The following CNTNAP4 variants were observed in gnomAD, a reference collection of about 807,000 sequenced individuals.
CNTNAP4 encodes the protein contactin-associated protein-like 4.
CNTNAP4 carries 98 observed loss-of-function variants against 148.4 expected under a neutral mutation model. The ratio of observed to expected loss-of-function variants is 0.66; its 90% CI spans 0.56 to 0.78. The LOEUF (loss-of-function observed/expected upper bound fraction) is 0.78, where lower values mean the gene tolerates loss of function less well. CNTNAP4 is among the 30% of genes least tolerant of loss of function. The pLI, the probability that CNTNAP4 is intolerant of heterozygous loss-of-function variation, is 0.00. For missense variants in CNTNAP4, 1,935 were observed against 1,565.6 expected, an observed-to-expected ratio of 1.24 and a Z score of -3.98; for synonymous variants, 730 against 565.1, an observed-to-expected ratio of 1.29 and a Z score of -4.14.
chr16:76,425,444 G>A (rs1167237038), intron 3 of CNTNAP4, among the ~76,000 whole-genome samples: 4 of 152,112 alleles, frequency 2.6e-5, no homozygotes, highest in Admixed American at 1.3e-4. Flanking sequence ...AATGTTCTAG[G>A]TGTTACGGAT....
chr16:76,371,844 G>T (rs1228756003), intron 3 of CNTNAP4, among the ~76,000 whole-genome samples: 1 of 152,094 alleles, frequency 6.6e-6, no homozygotes, highest in Non-Finnish European at 1.5e-5. Flanking sequence ...GTTATCTAAG[G>T]CATGTCTGCC....
intron 3 of CNTNAP4, among the ~76,000 whole-genome samples, chr16:76,369,819 G>C (rs986218712): frequency 1.1e-4 from 17 of 152,174 alleles, no homozygotes; most frequent in Non-Finnish European, 2.2e-4. Context: ...TCCAGTCTGG[G>C]CAACAGAGTG....
chr16:76,346,589 A>C (rs1021008321), intron 2 of CNTNAP4, among the ~76,000 whole-genome samples: 2 of 152,168 alleles, frequency 1.3e-5, no homozygotes, highest in African/African-American at 4.8e-5. Flanking sequence ...AAGGTATTAT[A>C]ATGGGCTTAG....
rs759580311 is a variant in CNTNAP4 at position 76,548,295 on chromosome 16, C to CATTTTTTT, written c.3443-4988_3443-4987insATTTTTTT. Among the ~76,000 whole-genome samples, 19 of 92,934 alleles carry CATTTTTTT rather than the reference C, an allele frequency of 2.0e-4. 4 individuals carry two copies. Among genetic ancestry groups the CATTTTTTT allele is most frequent in the East Asian group, 1.1e-3 (3 of 2,768 alleles). 61.0% of individuals were successfully genotyped at this position (92,934 alleles called of 152,430 possible). On this transcript the variant is annotated intron_variant, in intron 21 of 23. Coordinates refer to ENST00000611870, the MANE Select transcript of CNTNAP4 (RefSeq NM_033401.5). ...CCCTGGCTCTCTTGATTCACTGCAC[C>CATTTTTTT]TTTTTTTTTTTTTTTTTTTTTTTTG... is the stretch of plus-strand genomic sequence containing the variant.
Position 76,338,817 on chromosome 16 carries a change from G to T in CNTNAP4, c.197-16501G>T, listed in dbSNP as rs565823213. Among the ~76,000 whole-genome samples, 5 of 152,008 alleles carry T rather than the reference G, an allele frequency of 3.3e-5. No individual in the cohort carries two copies. The South Asian group carries it at 6.2e-4, about 19-fold the overall frequency. On this transcript the variant is annotated intron_variant, in intron 2 of 23. Coordinates refer to ENST00000611870, the MANE Select transcript of CNTNAP4 (RefSeq NM_033401.5). ...TCAGTCTCTTCATGTTTAAGGTGGG[G>T]AAAAAAAATTTCCATTGTGTAAGAT...
In CNTNAP4 at chr16:76,553,257, A is replaced by G. The variant is rs554106107; in HGVS notation, c.3443-26A>G. ...CCTATTTTCACTTTTCACTACTAAT[A>G]TTTCGGTGTTTCTTTGAATTTCTAG... On this transcript the variant is annotated intron_variant, in intron 21 of 23. Coordinates refer to ENST00000611870, the MANE Select transcript of CNTNAP4 (RefSeq NM_033401.5). The G allele has an allele frequency of 3.4e-6, 5 of 1,465,838 alleles. No individual in the cohort carries two copies. In the South Asian group the frequency reaches 4.7e-5, roughly 14 times the overall value. 90.8% of individuals were successfully genotyped at this position (1,465,838 alleles called of 1,614,324 possible).
intron 3 of CNTNAP4, among the ~76,000 whole-genome samples, chr16:76,401,664 A>G (rs1406696192): frequency 6.6e-6 from 1 of 152,046 alleles, no homozygotes; most frequent in East Asian, 1.9e-4. Context: ...CATTCACTGT[A>G]ATGTTGTCTG....
At chr16:76,548,139 T>C (rs1468123782) in intron 21 of CNTNAP4, among the ~76,000 whole-genome samples, 1 of 152,198 alleles carries the variant, frequency 6.6e-6, no homozygotes, top group African/African-American at 2.4e-5. Context: ...ATACCTTTTA[T>C]GATAAACTGC....
intron 17 of CNTNAP4, among the ~76,000 whole-genome samples, chr16:76,530,888 G>A (rs1026606911): frequency 1.3e-5 from 2 of 152,190 alleles, no homozygotes; most frequent in Non-Finnish European, 2.9e-5. Context: ...GAAGCGAACA[G>A]GGTTGACGGT....
chr16:76,353,197 A>T (rs1015876058), intron 2 of CNTNAP4, among the ~76,000 whole-genome samples: 45 of 152,192 alleles, frequency 3.0e-4, no homozygotes, highest in Admixed American at 2.4e-3. Flanking sequence ...AGTGGAATAC[A>T]GTTTTGAACA....
chr16:76,522,647 T>TCCTTCCTTCC (rs1555591035), intron 17 of CNTNAP4, among the ~76,000 whole-genome samples: 6 of 131,582 alleles, frequency 4.6e-5, no homozygotes, highest in Non-Finnish European at 5.0e-5. Context: ...CTTTCTTTCT[T>TCCTTCCTTCC]TTCTCTCTTT....
chr16:76,476,917 A>G (rs934979740), intron 11 of CNTNAP4, among the ~76,000 whole-genome samples: 2 of 152,076 alleles, frequency 1.3e-5, no homozygotes, highest in Admixed American at 6.6e-5. Context: ...TGATAAGGAA[A>G]AGGGTGGTAG....
At chr16:76,481,989 AC>A in intron 12 of CNTNAP4, among the ~76,000 whole-genome samples, 1 of 145,032 alleles carries the variant, frequency 6.9e-6, no homozygotes, top group South Asian at 2.2e-4. Flanking sequence ...ATGAGAAGAC[AC>A]TGAGGAGTTT....
intron 3 of CNTNAP4, among the ~76,000 whole-genome samples, chr16:76,417,140 C>T (rs1597470055): frequency 6.6e-6 from 1 of 151,204 alleles, no homozygotes; most frequent in East Asian, 1.9e-4. Flanking sequence ...CATAGCTGGG[C>T]CTACTCTTTC....
intron 8 of CNTNAP4, among the ~76,000 whole-genome samples, chr16:76,461,431 G>A (rs1276235061): frequency 1.3e-5 from 2 of 152,020 alleles, no homozygotes; most frequent in African/African-American, 2.4e-5. Flanking sequence ...TACAAACTAC[G>A]AGGATCAATT....
At chr16:76,284,759 G>T (rs995308049) in intron 1 of CNTNAP4, among the ~76,000 whole-genome samples, 1 of 151,934 alleles carries the variant, frequency 6.6e-6, no homozygotes. Context: ...AAATATGCAT[G>T]CCTGTATGTG....
intron 15 of CNTNAP4, among the ~76,000 whole-genome samples, chr16:76,499,533 C>T (rs1408979093): frequency 6.6e-6 from 1 of 151,454 alleles, no homozygotes; most frequent in Non-Finnish European, 1.5e-5. Flanking sequence ...AGATAAAACT[C>T]CAAGTTCTTT....
At chr16:76,534,731 C>G (rs953959766) in intron 17 of CNTNAP4, among the ~76,000 whole-genome samples, 1 of 152,042 alleles carries the variant, frequency 6.6e-6, no homozygotes, top group African/African-American at 2.4e-5. Flanking sequence ...AGCAAGCTAC[C>G]GAGTCTATTT....
intron 2 of CNTNAP4, among the ~76,000 whole-genome samples, chr16:76,333,765 T>A (rs545616224): frequency 6.6e-6 from 1 of 151,094 alleles, no homozygotes; most frequent in African/African-American, 2.4e-5. Context: ...TTTTGTTGCT[T>A]GTGTGGGTTA....
Sources: allele counts gnomAD v4.1 joint callset (sites outside exome capture counted in the v4.1 genomes callset), GRCh38; gene constraint gnomAD v4.1.1; transcripts MANE v1.5; gene names NCBI Gene and HGNC (gene_info 2026-07-23, HGNC 2026-07-21).